The following SPIDR variants were observed in gnomAD, a reference collection of about 807,000 sequenced individuals.
SPIDR encodes DNA repair-scaffolding protein.
A neutral mutation model predicts 104.6 loss-of-function variants in SPIDR; 93 were observed. The ratio of observed to expected loss-of-function variants is 0.89; its 90% CI spans 0.75 to 1.06. The LOEUF (loss-of-function observed/expected upper bound fraction) is 1.06. SPIDR is among the 50% of genes least tolerant of loss of function. The pLI is 0.00. For synonymous variants in SPIDR, 431 were observed against 416.9 expected (o/e 1.03, Z -0.41); for missense variants, 1,154 against 1,111.2 (o/e 1.04, Z -0.55).
intron 8 of SPIDR, among the ~76,000 whole-genome samples, chr8:47,452,211 T>C (rs971239053): frequency 2.6e-5 from 4 of 152,014 alleles, no homozygotes; most frequent in African/African-American, 4.8e-5. Context: ...CTCAATAATA[T>C]TAACAGCTTA....
intron 9 of SPIDR, among the ~76,000 whole-genome samples, chr8:47,597,166 T>C (rs1459152029): frequency 6.6e-6 from 1 of 152,236 alleles, no homozygotes; most frequent in African/African-American, 2.4e-5. Flanking sequence ...TATCAAATAT[T>C]AGATACTGTA....
At chr8:47,718,191 C>T (rs188138355) in intron 16 of SPIDR, among the ~76,000 whole-genome samples, 2 of 152,294 alleles carry the variant, frequency 1.3e-5, no homozygotes, top group East Asian at 3.9e-4. Flanking sequence ...ACTAAAGCTA[C>T]GTGCTTGCCT....
rs2154405823 is a variant in SPIDR, at chr8:47,570,584, GT to G, written c.1098-25226del. Among the ~76,000 whole-genome samples the G allele has an allele frequency of 2.0e-5, 3 of 152,224 alleles. No individual in the cohort carries two copies. The South Asian group carries it at 6.2e-4, about 32-fold the overall frequency. ...CACATCATCAAGATTAAGAACTTTT[GT>G]GCTTCAAAAGACACTATCAAGAAAG... On this transcript the variant is annotated intron_variant, in intron 8 of 19. Transcript: ENST00000297423.
At chr8:47,398,964 C>T (rs1191279335) in intron 6 of SPIDR, among the ~76,000 whole-genome samples, 3 of 152,144 alleles carry the variant, frequency 2.0e-5, no homozygotes, top group Non-Finnish European at 4.4e-5. Context: ...GGTGTGCAGC[C>T]GTCTCAGCGG....
chr8:47,599,535 CA>C (rs2062011092), intron 10 of SPIDR, among the ~76,000 whole-genome samples: 1 of 152,164 alleles, frequency 6.6e-6, no homozygotes, highest in South Asian at 2.1e-4. Flanking sequence ...CCATTTGCAA[CA>C]TCCAGTTTTA....
rs202180809 is a variant in SPIDR at position 47,673,960 on chromosome 8, G to C, written c.1685+19G>C. 1 of 1,606,224 alleles carries C rather than the reference G, an allele frequency of 6.2e-7. No homozygotes were observed. Among genetic ancestry groups the C allele is most frequent in the African/African-American group, 1.3e-5 (1 of 74,694 alleles). On this transcript the variant is annotated intron_variant, in intron 11 of 19. Transcript: ENST00000297423. ...GAGGAAGGTGAGAACGTGCAGGAAT[G>C]GCATCCAATTTGCTACAATTGTTGG...
intron 10 of SPIDR, among the ~76,000 whole-genome samples, chr8:47,635,699 C>T (rs1351845244): frequency 6.6e-6 from 1 of 151,914 alleles, no homozygotes; most frequent in Non-Finnish European, 1.5e-5. Context: ...TGCACTCCAG[C>T]TGGGGCAACA....
rs1355732475 is a variant in SPIDR, at chr8:47,369,780, C to T, written c.526-26596C>T. ...ATTTAAGAGCCTGATCATTGGAGAA[C>T]AAAATGCATGCGGAAAGGAAATATT... On this transcript the variant is annotated intron_variant, in intron 5 of 19. Transcript: ENST00000297423. 2.0e-5 allele frequency among the ~76,000 whole-genome samples: 3 copies of T among 152,126 alleles called. 1 individual carries two copies. Among genetic ancestry groups the T allele is most frequent in the African/African-American group, 4.8e-5 (2 of 41,422 alleles).
chr8:47,501,159 G>C (rs569411121), intron 8 of SPIDR, among the ~76,000 whole-genome samples: 12 of 152,264 alleles, frequency 7.9e-5, no homozygotes, highest in African/African-American at 2.9e-4. Context: ...CTTTAAAGTA[G>C]TTTTTTCCAA....
intron 15 of SPIDR, 121 bp from the exon 16 acceptor site, chr8:47,713,368 C>A: frequency 7.2e-7 from 1 of 1,392,036 alleles, no homozygotes; most frequent in Non-Finnish European, 1.0e-6. Context: ...TGCTGCTGGA[C>A]ACAGTCCCAT....
chr8:47,394,407 G>A (rs966959942), intron 5 of SPIDR, among the ~76,000 whole-genome samples: 13 of 152,160 alleles, frequency 8.5e-5, no homozygotes, highest in African/African-American at 2.4e-4. Flanking sequence ...AGCCCAAGCC[G>A]CCTGTGGTTG....
intron 8 of SPIDR, among the ~76,000 whole-genome samples, chr8:47,463,232 G>T (rs1346152708): frequency 3.3e-5 from 5 of 151,644 alleles, no homozygotes; most frequent in African/African-American, 1.2e-4. Flanking sequence ...ATGGTGGTGG[G>T]CGCCCGTAGT....
At chr8:47,546,920 C>T (rs538282440) in intron 8 of SPIDR, 60 of 456,850 alleles carry the variant, frequency 1.3e-4, no homozygotes, top group South Asian at 8.8e-4. Flanking sequence ...GTAACAAAAA[C>T]GTTGGAAAGC....
At chr8:47,692,881 A>G (rs998976091) in intron 11 of SPIDR, among the ~76,000 whole-genome samples, 2 of 152,210 alleles carry the variant, frequency 1.3e-5, no homozygotes, top group African/African-American at 4.8e-5. Context: ...TGCTGCAAAC[A>G]TTCATATGCA....
At chr8:47,333,931 C>A (rs2049229684) in intron 5 of SPIDR, among the ~76,000 whole-genome samples, 1 of 152,196 alleles carries the variant, frequency 6.6e-6, no homozygotes, top group African/African-American at 2.4e-5. Flanking sequence ...CTATAAATTT[C>A]TCCTCTAAGC....
intron 7 of SPIDR, among the ~76,000 whole-genome samples, chr8:47,413,757 C>T (rs896183610): frequency 7.9e-5 from 12 of 152,180 alleles, no homozygotes; most frequent in Non-Finnish European, 1.8e-4. Context: ...TGAAGGCTTA[C>T]TACGTATTAA....
intron 5 of SPIDR, among the ~76,000 whole-genome samples, chr8:47,385,256 C>T (rs981531249): frequency 3.3e-5 from 5 of 151,854 alleles, no homozygotes; most frequent in East Asian, 1.9e-4. Context: ...TTTTCTCACC[C>T]GTAAGGTCTT....
intron 5 of SPIDR, among the ~76,000 whole-genome samples, chr8:47,374,136 T>C (rs1186250626): frequency 6.6e-6 from 1 of 152,256 alleles, no homozygotes; most frequent in Non-Finnish European, 1.5e-5. Context: ...TTGGAGAAAG[T>C]CTATCAAAAG....
chr8:47,293,472 A>G (rs2040300221), intron 4 of SPIDR, among the ~76,000 whole-genome samples: 1 of 151,822 alleles, frequency 6.6e-6, no homozygotes, highest in Admixed American at 6.6e-5. Context: ...TTTGAGACAG[A>G]GTCTCGTTCT....
Sources: allele counts gnomAD v4.1 joint callset (sites outside exome capture counted in the v4.1 genomes callset), GRCh38; gene constraint gnomAD v4.1.1; transcripts MANE v1.5; gene names NCBI Gene and HGNC (gene_info 2026-07-23, HGNC 2026-07-21).